Variants in SGCZ observed in about 807,000 individuals in gnomAD.
The protein encoded by SGCZ is zeta-sarcoglycan.
A neutral mutation model predicts 41.3 loss-of-function variants in SGCZ; 40 were observed. The observed-to-expected ratio is 0.97, with a 90% CI of 0.75 to 1.26. The LOEUF (loss-of-function observed/expected upper bound fraction) is 1.26, where lower values mean the gene tolerates loss of function less well. Ranked by LOEUF, SGCZ falls within the 50% of genes most tolerant of loss-of-function variation. The pLI is 0.00. For missense variants in SGCZ, 552 were observed against 369.8 expected, an observed-to-expected ratio of 1.49 and a Z score of -4.04; for synonymous variants, 206 against 137.5, an observed-to-expected ratio of 1.50 and a Z score of -3.49.
intron 3 of SGCZ, among the ~76,000 whole-genome samples, chr8:14,246,100 T>C (rs1249608779): frequency 1.3e-5 from 2 of 152,206 alleles, no homozygotes; most frequent in African/African-American, 2.4e-5. Flanking sequence ...TTACTGGGTA[T>C]ATACCCAAAG....
In SGCZ at chr8:14,240,327, CAAAAA is replaced by C. The variant is rs59351247; in HGVS notation, c.337-2653_337-2649del. 9.1e-3 allele frequency among the ~76,000 whole-genome samples: 1,053 copies of C among 115,166 alleles called. 25 individuals carry two copies. The highest frequency in any genetic ancestry group is 0.032 in the African/African-American group (981 of 30,872). The allele number at this position is 115,166 out of a possible 152,430, so 75.6% of individuals were successfully genotyped here. On this transcript the variant is annotated intron_variant, in intron 3 of 7. Coordinates refer to ENST00000382080, the MANE Select transcript of SGCZ (RefSeq NM_139167.4). ...TGAGTGACAGAGCGAAACTCTGTGT[CAAAAA>C]AAAAAAAAAAAAAAAAAAAAAAAGA...
intron 2 of SGCZ, among the ~76,000 whole-genome samples, chr8:14,437,560 G>A (rs1800129058): frequency 6.6e-6 from 1 of 151,814 alleles, no homozygotes; most frequent in Non-Finnish European, 1.5e-5. Context: ...AGTATTTACT[G>A]GGTTTACTAT....
At chr8:14,277,249 C>T (rs1365640) in intron 3 of SGCZ, among the ~76,000 whole-genome samples, 7,016 of 152,200 alleles carry the variant, frequency 0.046, 241 homozygotes, top group East Asian at 0.16. Context: ...CTTTTATCCT[C>T]GTAAAGTTCA....
intron 2 of SGCZ, among the ~76,000 whole-genome samples, chr8:14,356,993 A>G (rs1179357718): frequency 6.6e-6 from 1 of 152,096 alleles, no homozygotes; most frequent in Non-Finnish European, 1.5e-5. Context: ...ATAGTAAAAT[A>G]TGGGCCAACA....
At chr8:14,404,319 T>C (rs987574692) in intron 2 of SGCZ, among the ~76,000 whole-genome samples, 1 of 152,190 alleles carries the variant, frequency 6.6e-6, no homozygotes, top group Non-Finnish European at 1.5e-5. Context: ...ACTTAATAAA[T>C]GCCATGAATG....
At chr8:14,923,439 T>C (rs79539894) in intron 1 of SGCZ, among the ~76,000 whole-genome samples, 10,102 of 152,286 alleles carry the variant, frequency 0.066, 448 homozygotes, top group Non-Finnish European at 0.09. Context: ...AATGTAGAGA[T>C]GGTATCAGTT....
intron 2 of SGCZ, among the ~76,000 whole-genome samples, chr8:14,341,710 T>C (rs1046667943): frequency 1.3e-5 from 2 of 152,140 alleles, no homozygotes; most frequent in African/African-American, 4.8e-5. Flanking sequence ...GGCCAGTCAT[T>C]CCTGTGCTAT....
rs142195588 is a variant in SGCZ at position 14,648,091 on chromosome 8, CA to C, written c.40-93166del. Among the ~76,000 whole-genome samples, 766 of 152,016 alleles carry C rather than the reference CA, an allele frequency of 5.0e-3. 8 individuals are homozygous for C. The highest frequency in any genetic ancestry group is 0.016 in the African/African-American group (648 of 41,506). ...TTTGACAGGGAGTGACCTAAGCAGG[CA>C]AAAACTCCAATTCCACAGAGCACCA... On this transcript the variant is annotated intron_variant, in intron 1 of 7. Coordinates refer to ENST00000382080, the MANE Select transcript of SGCZ (RefSeq NM_139167.4).
intron 1 of SGCZ, among the ~76,000 whole-genome samples, chr8:14,613,285 C>T (rs1805989139): frequency 6.6e-6 from 1 of 152,144 alleles, no homozygotes; most frequent in Non-Finnish European, 1.5e-5. Flanking sequence ...TATTTCATAA[C>T]ATAATGTCAC....
Position 14,784,913 on chromosome 8 carries a change from A to AAAAAAAAATAT in SGCZ, c.40-229988_40-229987insATATTTTTTTT, listed in dbSNP as rs1408574493. On this transcript the variant is annotated intron_variant, in intron 1 of 7. Coordinates refer to ENST00000382080, the MANE Select transcript of SGCZ (RefSeq NM_139167.4). ...GTGAAACTCTGCCTCAAAAAAAAAA[A>AAAAAAAAATAT]ATATATATATATATATATATAAAAT... 1.9e-4 allele frequency among the ~76,000 whole-genome samples: 17 copies of AAAAAAAAATAT among 88,022 alleles called. 1 individual carries two copies. The highest frequency in any genetic ancestry group is 8.0e-4 in the African/African-American group (17 of 21,354). The allele number at this position is 88,022 out of a possible 152,430, so 57.7% of individuals were successfully genotyped here.
intron 1 of SGCZ, among the ~76,000 whole-genome samples, chr8:14,640,630 G>A (rs1182905226): frequency 6.9e-6 from 1 of 144,194 alleles, no homozygotes; most frequent in Non-Finnish European, 1.5e-5. Context: ...ACACATATAT[G>A]TGCAAACATA....
At chr8:15,035,760 A>C (rs1322050231) in intron 1 of SGCZ, among the ~76,000 whole-genome samples, 1 of 152,138 alleles carries the variant, frequency 6.6e-6, no homozygotes, top group Non-Finnish European at 1.5e-5. Context: ...ACAATAATAA[A>C]GGGATCAATT....
At chr8:14,765,944 G>T (rs964548158) in intron 1 of SGCZ, among the ~76,000 whole-genome samples, 1 of 150,438 alleles carries the variant, frequency 6.6e-6, no homozygotes, top group Non-Finnish European at 1.5e-5. Context: ...GTTATTTATG[G>T]AACAACTCTT....
chr8:14,255,213 G>C (rs1371402562), intron 3 of SGCZ, among the ~76,000 whole-genome samples: 1 of 152,068 alleles, frequency 6.6e-6, no homozygotes, highest in African/African-American at 2.4e-5. Flanking sequence ...CATACTCCCA[G>C]GAATCATTCC....
At chr8:14,502,305 A>G (rs140421160) in intron 2 of SGCZ, among the ~76,000 whole-genome samples, 1,732 of 152,230 alleles carry the variant, frequency 0.011, 33 homozygotes, top group African/African-American at 0.039. Flanking sequence ...ATAAAAATGA[A>G]AAATAGAAAT....
At chr8:14,131,831 G>A (rs1803050208) in intron 5 of SGCZ, among the ~76,000 whole-genome samples, 1 of 152,034 alleles carries the variant, frequency 6.6e-6, no homozygotes, top group Non-Finnish European at 1.5e-5. Context: ...ATTTACTACT[G>A]TGTGCAACTG....
At chr8:15,035,169 A>G (rs1180389463) in intron 1 of SGCZ, among the ~76,000 whole-genome samples, 2 of 152,114 alleles carry the variant, frequency 1.3e-5, no homozygotes, top group Admixed American at 6.5e-5. Flanking sequence ...GAAACACAAT[A>G]TAAAGAGGTG....
chr8:14,803,984 G>A (rs1202277526), intron 1 of SGCZ, among the ~76,000 whole-genome samples: 6 of 122,522 alleles, frequency 4.9e-5, no homozygotes, highest in African/African-American at 7.5e-5. Context: ...CACCTCACAC[G>A]GCAGGGTATT....
At chr8:14,882,854 T>C (rs1804643383) in intron 1 of SGCZ, among the ~76,000 whole-genome samples, 1 of 152,108 alleles carries the variant, frequency 6.6e-6, no homozygotes. Context: ...TGACTCCAAA[T>C]GTGACTTTGT....
Sources: gnomAD v4.1 joint callset for allele counts (sites outside exome capture counted in the v4.1 genomes callset) on GRCh38, gnomAD v4.1.1 for gene constraint, MANE v1.5 for transcripts, NCBI Gene and HGNC (gene_info 2026-07-23, HGNC 2026-07-21) for gene names.